The following ABCC3 variants were observed in gnomAD, a reference collection of about 807,000 sequenced individuals.
The protein encoded by ABCC3 is ATP-binding cassette sub-family C member 3.
ABCC3 carries 121 observed loss-of-function variants against 165.3 expected under a neutral mutation model. That is an observed-to-expected ratio of 0.73 (90% CI 0.63 to 0.85). The LOEUF (loss-of-function observed/expected upper bound fraction) is 0.85. Ranked by LOEUF, ABCC3 falls within the 40% of genes least tolerant of loss-of-function variation. The pLI, the probability that ABCC3 is intolerant of heterozygous loss-of-function variation, is 0.00. For missense variants in ABCC3, 1,869 were observed against 1,964.1 expected (o/e 0.95, Z 0.92); for synonymous variants, 733 against 810.1 (o/e 0.90, Z 1.62).
chr17:50,671,310 A>G (rs1324447330), intron 17 of ABCC3, among the ~76,000 whole-genome samples: 1 of 152,014 alleles, frequency 6.6e-6, no homozygotes, highest in African/African-American at 2.4e-5. Flanking sequence ...TGTACAGTTC[A>G]GCAATGTTAA....
chr17:50,676,334 C>A lies in ABCC3; in HGVS notation c.3124C>A (p.Arg1042Ser), dbSNP rs951298957. The A allele has an allele frequency of 6.2e-7, 1 of 1,614,114 alleles. No individual in the cohort carries two copies. The highest frequency in any genetic ancestry group is 1.3e-5 in the African/African-American group (1 of 75,036). Reference sequence around the variant, plus strand: ...GGCAGCGGGTGGCATCCAGGCTGCCCGTGTGTTGCACCAGGCACTGCTGCA... The same window carrying A: ...GGCAGCGGGTGGCATCCAGGCTGCCAGTGTGTTGCACCAGGCACTGCTGCA... ...AMAAGGIQAA[R>S]VLHQALLHNK... is the part of the protein sequence containing the mutation. The change falls in exon 23 of 31, where the codon CGT becomes AGT. Residue 1042 changes from arginine (R) to serine (S), a missense_variant. Physicochemically the swap from Arg to Ser is moderately radical, Grantham distance 110. Transcript: ENST00000285238.
chr17:50,657,942 CCT>C (rs1786800073), intron 4 of ABCC3, 138 bp from the exon 5 acceptor site: 1 of 1,141,038 alleles, frequency 8.8e-7, no homozygotes, highest in Non-Finnish European at 1.3e-6. Flanking sequence ...CTCTCAGAGT[CCT>C]CTGAGTGGGG....
At chr17:50,688,670 T>G (rs1968066492) in intron 30 of ABCC3, among the ~76,000 whole-genome samples, 2 of 151,952 alleles carry the variant, frequency 1.3e-5, no homozygotes. Context: ...GCGGATGACT[T>G]GAGGTGAGGA....
At position 50,683,735 on chromosome 17, in the gene ABCC3, G is replaced by A; in HGVS notation, c.3933G>A (p.Leu1311=). 1 of 1,606,934 alleles carries A rather than the reference G, an allele frequency of 6.2e-7. No homozygotes were observed. The highest frequency in any genetic ancestry group is 8.5e-7 in the Non-Finnish European group (1 of 1,177,450). Residue 1311 remains leucine (L), a synonymous_variant, in exon 27 of 31, where the codon CTG becomes CTA. Transcript: ENST00000285238. ...GLDLVLRDLS[L]HVHGGEKVGI... is the part of the protein sequence containing the mutation. Reference sequence around the variant, plus strand: ...ACCTGGTGCTGAGAGACCTGAGTCTGCATGTGCACGGTGGCGAGAAGGTAC... The same window carrying A: ...ACCTGGTGCTGAGAGACCTGAGTCTACATGTGCACGGTGGCGAGAAGGTAC...
chr17:50,668,317 T>C, intron 13 of ABCC3, 113 bp from the exon 14 acceptor site: 1 of 850,816 alleles, frequency 1.2e-6, no homozygotes, highest in Non-Finnish European at 1.9e-6. Flanking sequence ...CCAGTGCTAG[T>C]GTCTGGGCCC....
intron 11 of ABCC3, among the ~76,000 whole-genome samples, chr17:50,666,690 C>T (rs904718335): frequency 7.2e-5 from 11 of 152,244 alleles, no homozygotes; most frequent in African/African-American, 2.7e-4. Flanking sequence ...GGGGCCTTGT[C>T]TGAATTCATC....
chr17:50,650,490 G>A (rs1007524878), intron 1 of ABCC3, among the ~76,000 whole-genome samples: 2 of 152,094 alleles, frequency 1.3e-5, no homozygotes, highest in African/African-American at 4.8e-5. Context: ...TCTTTCACAA[G>A]ATTCATCTTC....
intron 6 of ABCC3, 142 bp downstream of exon 6, chr17:50,658,638 G>T: frequency 1.1e-6 from 1 of 926,526 alleles, no homozygotes; most frequent in Non-Finnish European, 1.7e-6. Flanking sequence ...GGGCAGATGA[G>T]GGTAGGGAAG....
At chr17:50,676,156 C>G (rs72549206) in intron 22 of ABCC3, 66 bp downstream of exon 22, 2 of 1,599,182 alleles carry the variant, frequency 1.3e-6, no homozygotes, top group African/African-American at 2.7e-5. Context: ...CCAGGCCCCC[C>G]AAACCGTGCC....
intron 19 of ABCC3, chr17:50,674,462 AGTGC>A (rs1476181840): frequency 2.6e-5 from 4 of 152,246 alleles, no homozygotes; most frequent in Non-Finnish European, 5.9e-5. Context: ...CAAGTATGCA[AGTGC>A]TTAGCAAAGC....
intron 1 of ABCC3, among the ~76,000 whole-genome samples, chr17:50,653,300 C>T (rs1291198135): frequency 2.1e-5 from 3 of 140,212 alleles, no homozygotes; most frequent in African/African-American, 8.2e-5. Context: ...GAACCGAGAT[C>T]ACGCCATTAC....
chr17:50,684,365 C>G (rs1001715401), intron 28 of ABCC3, among the ~76,000 whole-genome samples: 34 of 152,206 alleles, frequency 2.2e-4, no homozygotes, highest in Admixed American at 1.4e-3. Context: ...CCAAGAACCC[C>G]TTCCCCCGAG....
chr17:50,639,772 T>A (rs2054211179), intron 1 of ABCC3, among the ~76,000 whole-genome samples: 1 of 151,724 alleles, frequency 6.6e-6, no homozygotes. Flanking sequence ...TTCTCCTTTT[T>A]TTTTTTTTTG....
chr17:50,690,693 C>T (rs772965250), intron 30 of ABCC3, among the ~76,000 whole-genome samples: 1 of 152,206 alleles, frequency 6.6e-6, no homozygotes, highest in Admixed American at 6.5e-5. Context: ...GTGTCAGCCT[C>T]GCTGCAGCTG....
chr17:50,648,302 CT>C (rs1161404701), intron 1 of ABCC3, among the ~76,000 whole-genome samples: 11 of 152,090 alleles, frequency 7.2e-5, no homozygotes, highest in Non-Finnish European at 1.3e-4. Flanking sequence ...TCTGTAAAAG[CT>C]CGGGGATTGG....
rs761134270 is a variant in ABCC3 at position 50,668,891 on chromosome 17, G to T, written c.1909G>T (p.Ala637Ser). 3.7e-6 allele frequency: 6 copies of T among 1,613,804 alleles called. No homozygotes were observed. Among genetic ancestry groups the T allele is most frequent in the South Asian group, 1.1e-5 (1 of 91,078 alleles). Residue 637 changes from alanine (A) to serine (S), a missense_variant, in exon 15 of 31, where the codon GCC becomes TCC. By Grantham distance (99) the Ala-to-Ser change is moderately conservative. Coordinates refer to ENST00000285238, the MANE Select transcript of ABCC3 (RefSeq NM_003786.4). The part of the protein sequence containing the change: ...ITIHSGTFTW[A>S]QDLPPTLHSL... ...CATACACAGTGGCACCTTCACCTGG[G>T]CCCAGGACCTGCCCCCCACTCTGCA... is the stretch of plus-strand genomic sequence containing the variant.
In ABCC3 at chr17:50,673,504, GCC is replaced by G. The variant is rs745772608; in HGVS notation, c.2448_2449del (p.Gln817AspfsTer9). 8 of 1,614,148 alleles carry G rather than the reference GCC, an allele frequency of 5.0e-6. No individual in the cohort carries two copies. Among genetic ancestry groups the G allele is most frequent in the South Asian group, 4.4e-5 (4 of 91,080 alleles). ...VLVTHGISFLPQTDFIIVLAD... is the reference protein window; with the variant it reads ...VLVTHGISFLXQTDFIIVLAD... ...TGGTGACGCACGGCATTAGCTTCCT[GCC>G]CCAGACAGACTTCATCATTGTGCTA... is the stretch of plus-strand genomic sequence containing the variant. On this transcript the variant is annotated frameshift_variant, in exon 19 of 31. Coordinates refer to ENST00000285238, the MANE Select transcript of ABCC3 (RefSeq NM_003786.4). LOFTEE classifies it high-confidence loss of function.
intron 1 of ABCC3, among the ~76,000 whole-genome samples, chr17:50,639,493 A>C (rs1156360478): frequency 6.6e-6 from 1 of 152,120 alleles, no homozygotes; most frequent in Non-Finnish European, 1.5e-5. Context: ...GCTTCCAGGG[A>C]GGAAGGACTT....
At chr17:50,657,259 T>G (rs184060369) in intron 4 of ABCC3, 76 bp downstream of exon 4, 1 of 1,559,286 alleles carries the variant, frequency 6.4e-7, no homozygotes, top group East Asian at 2.2e-5. Flanking sequence ...AAGTCACTGC[T>G]GGGTCCCAGG....
Sources: allele counts gnomAD v4.1 joint callset (sites outside exome capture counted in the v4.1 genomes callset), GRCh38; gene constraint gnomAD v4.1.1; transcripts MANE v1.5; gene names NCBI Gene and HGNC (gene_info 2026-07-23, HGNC 2026-07-21).